The following SLC24A2 variants were observed in gnomAD, a reference collection of about 807,000 sequenced individuals.
SLC24A2 encodes solute carrier family 24 member 2, also known as sodium/potassium/calcium exchanger 2.
Under a neutral mutation model 62.0 loss-of-function variants are expected in SLC24A2, and 36 were observed. The observed-to-expected ratio is 0.58, with a 90% CI of 0.44 to 0.77. SLC24A2 has a LOEUF of 0.77. SLC24A2 is among the 30% of genes least tolerant of loss of function. The pLI, the probability that SLC24A2 is intolerant of heterozygous loss-of-function variation, is 0.00. For synonymous variants in SLC24A2, 358 were observed against 294.0 expected, an observed-to-expected ratio of 1.22 and a Z score of -2.23; for missense variants, 846 against 817.9, an observed-to-expected ratio of 1.03 and a Z score of -0.42.
intron 2 of SLC24A2, among the ~76,000 whole-genome samples, chr9:19,736,394 C>G (rs143658017): frequency 1.3e-5 from 2 of 152,314 alleles, no homozygotes; most frequent in African/African-American, 4.8e-5. Flanking sequence ...AGTACCCAAT[C>G]ACCTGCAGCT....
At chr9:19,985,421 A>G in the SLC24A2 span, among the ~76,000 whole-genome samples, 1 of 152,228 alleles carries the variant, frequency 6.6e-6, no homozygotes, top group Non-Finnish European at 1.5e-5. Context: ...GAAATGAATT[A>G]CTGATACATA....
the SLC24A2 span, among the ~76,000 whole-genome samples, chr9:19,802,276 A>T: frequency 3.9e-5 from 6 of 152,232 alleles, no homozygotes; most frequent in African/African-American, 1.4e-4. Flanking sequence ...TATCTTCATC[A>T]TGGAATTATA....
the SLC24A2 span, among the ~76,000 whole-genome samples, chr9:20,099,482 C>T: frequency 3.9e-5 from 6 of 152,156 alleles, no homozygotes; most frequent in South Asian, 2.1e-4. Flanking sequence ...ATATCCTATA[C>T]GTTCTTATAG....
intron 2 of SLC24A2, among the ~76,000 whole-genome samples, chr9:19,661,901 C>T (rs1448842371): frequency 6.6e-6 from 1 of 152,188 alleles, no homozygotes; most frequent in African/African-American, 2.4e-5. Flanking sequence ...CATCCGAGAG[C>T]TTTTCACCTG....
At chr9:20,186,148 TA>T in the SLC24A2 span, among the ~76,000 whole-genome samples, 1,627 of 152,194 alleles carry the variant, frequency 0.011, 31 homozygotes, top group African/African-American at 0.037. Context: ...CATAGCGTAA[TA>T]GGGGGGACTC....
the SLC24A2 span, among the ~76,000 whole-genome samples, chr9:20,092,113 GAGA>G: frequency 6.6e-6 from 1 of 152,112 alleles, no homozygotes; most frequent in Non-Finnish European, 1.5e-5. Flanking sequence ...TGGAAGGAGG[GAGA>G]AGATCAGAAA....
At chr9:19,835,812 C>G in the SLC24A2 span, among the ~76,000 whole-genome samples, 3 of 152,144 alleles carry the variant, frequency 2.0e-5, no homozygotes. Flanking sequence ...CCAAAATTGA[C>G]CACATAGTTG....
At chr9:19,567,218 C>T (rs972643567) in intron 7 of SLC24A2, among the ~76,000 whole-genome samples, 3 of 146,424 alleles carry the variant, frequency 2.0e-5, no homozygotes, top group Non-Finnish European at 4.5e-5. Context: ...AAAAACCAAA[C>T]ACTTTGCCAT....
chr9:19,868,372 G>C, the SLC24A2 span, among the ~76,000 whole-genome samples: 3 of 152,224 alleles, frequency 2.0e-5, no homozygotes, highest in East Asian at 3.9e-4. Flanking sequence ...AATGTATTGA[G>C]ATTTGTTTTG....
At chr9:19,885,087 G>A in the SLC24A2 span, among the ~76,000 whole-genome samples, 1 of 152,166 alleles carries the variant, frequency 6.6e-6, no homozygotes, top group Non-Finnish European at 1.5e-5. Flanking sequence ...ATCCTTGTGA[G>A]TGTCTCCATA....
the SLC24A2 span, among the ~76,000 whole-genome samples, chr9:20,210,875 G>A: frequency 6.6e-6 from 1 of 151,556 alleles, no homozygotes; most frequent in Non-Finnish European, 1.5e-5. Context: ...GAGAGGAAGA[G>A]AAATTTGACA....
rs573014409 is a variant in SLC24A2 at position 19,628,426 on chromosome 9, T to C, written c.931-6127A>G. Among the ~76,000 whole-genome samples the C allele has an allele frequency of 4.7e-4, 72 of 152,314 alleles. 2 individuals are homozygous for C. The South Asian group carries it at 0.012, about 25-fold the overall frequency. On this transcript the variant is annotated intron_variant, in intron 2 of 10. Coordinates refer to ENST00000341998, the MANE Select transcript of SLC24A2 (RefSeq NM_020344.4). ...CAAGAAGGGCCTCAGGCTATTTCTG[T>C]ACTTAGGATACTAAGCACCAGTGTT...
the SLC24A2 span, among the ~76,000 whole-genome samples, chr9:20,110,056 C>A: frequency 6.6e-6 from 1 of 152,018 alleles, no homozygotes; most frequent in Admixed American, 6.6e-5. Context: ...TCTATTTCAA[C>A]GTCAAGTAAT....
rs1418974341 is a variant in SLC24A2 at position 19,514,519 on chromosome 9, C to CCTTG, written c.*1630_*1633dup. 2 of 152,126 alleles carry CCTTG rather than the reference C, an allele frequency of 1.3e-5. No homozygotes were observed. Among genetic ancestry groups the CCTTG allele is most frequent in the Non-Finnish European group, 2.9e-5 (2 of 68,020 alleles). The allele number at this position is 152,126 out of a possible 1,614,324, so 9.4% of individuals were successfully genotyped here. A position where few individuals can be genotyped will look rare whatever the true frequency, so the allele number is the denominator to read the frequency against. Reference sequence around the variant, plus strand: ...TGATTCAGTTTGCCTATTTTTTCCCCCTTGCTGGCTTTATTTTCGACTGAC... The same window carrying CCTTG: ...TGATTCAGTTTGCCTATTTTTTCCCCCTTGCTTGCTGGCTTTATTTTCGACTGAC... On this transcript the variant is annotated 3_prime_UTR_variant, in exon 11 of 11. Coordinates refer to ENST00000341998, the MANE Select transcript of SLC24A2 (RefSeq NM_020344.4).
the SLC24A2 span, among the ~76,000 whole-genome samples, chr9:20,020,427 T>C: frequency 6.6e-6 from 1 of 152,166 alleles, no homozygotes; most frequent in African/African-American, 2.4e-5. Context: ...TGCAAGGACA[T>C]GGATGAAGCT....
intron 1 of SLC24A2, chr9:19,788,560 G>A (rs1823247725): frequency 2.0e-6 from 2 of 985,466 alleles, no homozygotes; most frequent in Non-Finnish European, 2.4e-6. Flanking sequence ...GTTGCATTTG[G>A]TGAGGCGCTT....
At chr9:19,918,562 G>A in the SLC24A2 span, among the ~76,000 whole-genome samples, 1 of 152,012 alleles carries the variant, frequency 6.6e-6, no homozygotes, top group African/African-American at 2.4e-5. Flanking sequence ...CACTGTGTTG[G>A]AGCGTGGAAG....
At chr9:19,932,987 T>A in the SLC24A2 span, among the ~76,000 whole-genome samples, 1 of 152,208 alleles carries the variant, frequency 6.6e-6, no homozygotes, top group African/African-American at 2.4e-5. Flanking sequence ...CTCCTTGGAA[T>A]TTTTCTCTGG....
chr9:20,050,063 A>C, the SLC24A2 span, among the ~76,000 whole-genome samples: 3 of 152,000 alleles, frequency 2.0e-5, no homozygotes, highest in African/African-American at 7.3e-5. Context: ...ATGGTATGAA[A>C]TATATCTGTT....
Sources: allele counts gnomAD v4.1 joint callset (sites outside exome capture counted in the v4.1 genomes callset), GRCh38; gene constraint gnomAD v4.1.1; transcripts MANE v1.5; gene names NCBI Gene and HGNC (gene_info 2026-07-23, HGNC 2026-07-21).